ZNF469: variants seen among roughly 807,000 people sequenced by gnomAD.
ZNF469 encodes the protein zinc finger protein 469.
ZNF469 carries 1 observed loss-of-function variant against 1.0 expected under a neutral mutation model. The ratio of observed to expected loss-of-function variants is 1.00; its 90% CI spans 0.35 to 4.73. The LOEUF is 4.73. Ranked by LOEUF, ZNF469 falls within the 30% of genes most tolerant of loss-of-function variation. The probability of loss-of-function intolerance (pLI) is 0.16; values close to 1 mark genes in which losing one functional copy is unlikely to be tolerated. For missense variants in ZNF469, 6,100 were observed against 5,356.3 expected (o/e 1.14, Z -4.33); for synonymous variants, 2,703 against 2,363.4 (o/e 1.14, Z -4.17).
At chr16:88,379,982 G>A (rs1335514086), upstream of ZNF469, among the ~76,000 whole-genome samples, 4 of 152,230 alleles carry the variant, frequency 2.6e-5, no homozygotes, top group East Asian at 1.9e-4. Context: ...CATTTCTCAC[G>A]CCCAGGCGGC....
chr16:88,143,740 A>G, the ZNF469 span, among the ~76,000 whole-genome samples: 1 of 152,258 alleles, frequency 6.6e-6, no homozygotes, highest in Non-Finnish European at 1.5e-5. Flanking sequence ...GTTGTGAACA[A>G]GTCGCAGCCT....
intron 1 of ZNF469, among the ~76,000 whole-genome samples, chr16:88,422,649 T>C (rs926722047): frequency 3.2e-5 from 4 of 125,728 alleles, no homozygotes; most frequent in African/African-American, 1.3e-4. Flanking sequence ...GAGTGATGGA[T>C]GAGTGGGTGG....
chr16:88,163,359 A>T, the ZNF469 span, among the ~76,000 whole-genome samples: 1 of 145,308 alleles, frequency 6.9e-6, no homozygotes, highest in Non-Finnish European at 1.5e-5. Context: ...TGATGGATGC[A>T]TGACTGGGTG....
Position 88,434,129 on chromosome 16 carries a change from G to GC in ZNF469, c.6664dup (p.Leu2222ProfsTer75), listed in dbSNP as rs1361564558. The GC allele has an allele frequency of 6.5e-7, 1 of 1,550,176 alleles. No homozygotes were observed. The highest frequency in any genetic ancestry group is 8.7e-7 in the Non-Finnish European group (1 of 1,146,944). On this transcript the variant is annotated frameshift_variant, in exon 3 of 3. Transcript: ENST00000565624. LOFTEE classifies it low-confidence loss of function (END_TRUNC). ...GGTTGCCTTCTCCAGGGGGAGGGCA[G>GC]CCCCCTGGAAGACCCTTCCTCCTGG... is the stretch of plus-strand genomic sequence containing the variant.
chr16:88,184,606 G>C, the ZNF469 span, among the ~76,000 whole-genome samples: 23 of 152,000 alleles, frequency 1.5e-4, no homozygotes. Flanking sequence ...CGTTTCAGGG[G>C]GGAAGCTGCA....
At chr16:88,422,914 G>A (rs1905537425) in intron 1 of ZNF469, among the ~76,000 whole-genome samples, 1 of 151,150 alleles carries the variant, frequency 6.6e-6, no homozygotes, top group Non-Finnish European at 1.5e-5. Context: ...ACGGACGGAT[G>A]GGTGGATGGG....
At chr16:88,205,366 C>G in the ZNF469 span, among the ~76,000 whole-genome samples, 1 of 152,134 alleles carries the variant, frequency 6.6e-6, no homozygotes, top group Non-Finnish European at 1.5e-5. This position sits in a 1 kb window ranked among gnomAD's most constrained non-coding sequence, Gnocchi z 4.2. Context: ...GGTACAGGAG[C>G]ACTTTGCAGG....
chr16:88,231,614 A>C, the ZNF469 span, among the ~76,000 whole-genome samples: 4 of 152,070 alleles, frequency 2.6e-5, no homozygotes, highest in Non-Finnish European at 2.9e-5. This position sits in a 1 kb window ranked among gnomAD's most constrained non-coding sequence, Gnocchi z 4.5. Flanking sequence ...TCCTCGGCTC[A>C]TGGCCCTTCC....
chr16:88,406,055 G>A (rs911760103), intron 1 of ZNF469, among the ~76,000 whole-genome samples: 2 of 152,228 alleles, frequency 1.3e-5, no homozygotes, highest in Non-Finnish European at 2.9e-5. Context: ...GGGAGCCAGG[G>A]ACAACTTTCC....
the ZNF469 span, among the ~76,000 whole-genome samples, chr16:88,306,001 C>T: frequency 6.6e-6 from 1 of 152,236 alleles, no homozygotes; most frequent in Non-Finnish European, 1.5e-5. Context: ...CATCCCCACA[C>T]CCCATGCAGC....
intron 1 of ZNF469, among the ~76,000 whole-genome samples, chr16:88,410,091 A>T (rs1008250617): frequency 1.4e-5 from 2 of 145,356 alleles, no homozygotes; most frequent in African/African-American, 5.1e-5. Context: ...GATAGATCAG[A>T]TGTGGGGGTG....
Position 88,438,108 on chromosome 16 carries a change from C to G in ZNF469, c.10638C>G (p.Asn3546Lys), listed in dbSNP as rs1345499216. 2 of 1,550,442 alleles carry G rather than the reference C, an allele frequency of 1.3e-6. No individual in the cohort carries two copies. Among genetic ancestry groups the G allele is most frequent in the South Asian group, 2.4e-5 (2 of 84,062 alleles). The change falls in exon 3 of 3, where the codon AAC becomes AAG. Residue 3546 changes from asparagine (N) to lysine (K), a missense_variant. Asn to Lys is a moderately conservative substitution (Grantham distance 94). Coordinates refer to ENST00000565624, the MANE Select transcript of ZNF469 (RefSeq NM_001367624.2). ...HPIRGCELPS[N>K]HQECPPPSLS... ...TCAGAGGTTGTGAGCTGCCATCCAACCACCAGGAGTGTCCCCCGCCGTCTC... is the reference window on the plus strand; with the variant it reads ...TCAGAGGTTGTGAGCTGCCATCCAAGCACCAGGAGTGTCCCCCGCCGTCTC...
At chr16:88,349,512 A>C in the ZNF469 span, among the ~76,000 whole-genome samples, 24 of 146,454 alleles carry the variant, frequency 1.6e-4, no homozygotes, top group African/African-American at 6.1e-4. Context: ...CACACTCTAC[A>C]CAATACACAC....
rs115959786 is a variant in ZNF469, at chr16:88,424,737, T to C, written c.-191-70T>C. 0.02 allele frequency among the ~76,000 whole-genome samples: 3,049 copies of C among 152,126 alleles called. 113 individuals are homozygous for C. The highest frequency in any genetic ancestry group is 0.07 in the African/African-American group (2,888 of 41,486). ...CAGGAGCCGCTCCCTCCCACCTGGCTTCTCCTCGGGCTCTTGGTCCAGAGC... is the reference window on the plus strand; with the variant it reads ...CAGGAGCCGCTCCCTCCCACCTGGCCTCTCCTCGGGCTCTTGGTCCAGAGC... On this transcript the variant is annotated intron_variant, in intron 1 of 2. Transcript: ENST00000565624. The surrounding 1 kb of genome is among the most constrained non-coding windows in gnomAD (Gnocchi z 4.3).
At chr16:88,110,675 C>T in the ZNF469 span, among the ~76,000 whole-genome samples, 4 of 152,246 alleles carry the variant, frequency 2.6e-5, no homozygotes, top group Non-Finnish European at 5.9e-5. Context: ...CATTCAGAAC[C>T]ACTCGTCTTA....
intron 1 of ZNF469, among the ~76,000 whole-genome samples, chr16:88,422,145 C>T (rs10451133): frequency 0.92 from 131,515 of 143,060 alleles, 60,263 homozygotes; most frequent in South Asian, 0.96. Flanking sequence ...GATGGGTGAA[C>T]GGGTGGGTGG....
chr16:88,316,359 G>T, the ZNF469 span, among the ~76,000 whole-genome samples: 1 of 152,226 alleles, frequency 6.6e-6, no homozygotes, highest in South Asian at 2.1e-4. Flanking sequence ...CCAGACGCCA[G>T]CCTTGCATCC....
At chr16:88,256,770 C>T in the ZNF469 span, among the ~76,000 whole-genome samples, 2 of 152,100 alleles carry the variant, frequency 1.3e-5, no homozygotes, top group African/African-American at 4.8e-5. Context: ...GAGGCGATAT[C>T]TTATGCTTAT....
chr16:88,334,054 G>C, the ZNF469 span, among the ~76,000 whole-genome samples: 3 of 151,192 alleles, frequency 2.0e-5, no homozygotes, highest in Non-Finnish European at 4.4e-5. Flanking sequence ...CTGTGTGTCT[G>C]TGTCTGTGTG....
Sources: gnomAD v4.1 joint callset for allele counts (sites outside exome capture counted in the v4.1 genomes callset) on GRCh38, gnomAD v4.1.1 for gene constraint, Gnocchi (gnomAD v3.1) non-coding constraint, MANE v1.5 for transcripts, NCBI Gene and HGNC (gene_info 2026-07-23, HGNC 2026-07-21) for gene names.